UBE2V1: variants seen among roughly 807,000 people sequenced by gnomAD.
The protein encoded by UBE2V1 is ubiquitin-conjugating enzyme E2 variant 1.
UBE2V1 carries 15 observed loss-of-function variants against 19.6 expected under a neutral mutation model. The observed-to-expected ratio is 0.77, with a 90% CI of 0.51 to 1.18. The LOEUF (loss-of-function observed/expected upper bound fraction) is 1.18. Ranked by LOEUF, UBE2V1 falls within the 50% of genes most tolerant of loss-of-function variation. The pLI is 0.00. For synonymous variants in UBE2V1, 60 were observed against 60.7 expected (o/e 0.99, Z 0.05); for missense variants, 125 against 184.8 (o/e 0.68, Z 1.88).
At chr20:50,083,936 G>A (rs140621806) in intron 3 of UBE2V1, 193 bp downstream of exon 3, 1 of 768,456 alleles carries the variant, frequency 1.3e-6, no homozygotes, top group African/African-American at 1.8e-5. Flanking sequence ...CAGGGTAAGT[G>A]CTATATGAGT....
upstream of UBE2V1, chr20:50,115,585 C>T: frequency 2.0e-6 from 3 of 1,526,224 alleles, no homozygotes; most frequent in Non-Finnish European, 1.8e-6. Context: ...TCAGTTTCCC[C>T]TTCTATGAGG....
At chr20:50,096,919 C>A in intron 1 of UBE2V1, 99 bp from the exon 2 acceptor site, 2 of 1,539,938 alleles carry the variant, frequency 1.3e-6, no homozygotes, top group Admixed American at 2.1e-5. Context: ...AATCAAGATG[C>A]TAACATGCAA....
chr20:50,111,289 T>C, intron 1 of UBE2V1: 1 of 988,152 alleles, frequency 1.0e-6, no homozygotes. Flanking sequence ...AAGCACTCAC[T>C]TTTTAACTGT....
In UBE2V1 at chr20:50,113,131, T is replaced by G; in HGVS notation, c.-3A>C. ...CCCGAGCCCGTGGTGGCTGCCATCTTGCGTCGCTCTTGCTTGAAGGCCGGC... is the reference window on the plus strand; with the variant it reads ...CCCGAGCCCGTGGTGGCTGCCATCTGGCGTCGCTCTTGCTTGAAGGCCGGC... On this transcript the variant is annotated 5_prime_UTR_variant, in exon 1 of 4. Transcript: ENST00000371674. The G allele has an allele frequency of 7.3e-7, 1 of 1,374,658 alleles. No homozygotes were observed. Among genetic ancestry groups the G allele is most frequent in the Non-Finnish European group, 9.5e-7 (1 of 1,050,028 alleles). 85.2% of individuals were successfully genotyped at this position (1,374,658 alleles called of 1,614,324 possible). A position where few individuals can be genotyped will look rare whatever the true frequency, so the allele number is the denominator to read the frequency against.
intron 2 of UBE2V1, among the ~76,000 whole-genome samples, chr20:50,094,264 T>A: frequency 7.0e-6 from 1 of 142,594 alleles, no homozygotes. Context: ...TATAATGCAT[T>A]ATATAATATA....
At chr20:50,109,272 C>T (rs373974266) in intron 1 of UBE2V1, among the ~76,000 whole-genome samples, 9 of 152,242 alleles carry the variant, frequency 5.9e-5, no homozygotes, top group African/African-American at 2.2e-4. Flanking sequence ...GCAGAGGATT[C>T]CTGACTTCAT....
intron 2 of UBE2V1, among the ~76,000 whole-genome samples, chr20:50,089,182 T>C (rs2079087136): frequency 1.3e-5 from 2 of 152,052 alleles, no homozygotes; most frequent in Admixed American, 6.6e-5. Context: ...ATGGAAACTC[T>C]TAAGGGAGGG....
chr20:50,108,085 G>A (rs1033979725), intron 1 of UBE2V1, among the ~76,000 whole-genome samples: 1 of 152,202 alleles, frequency 6.6e-6, no homozygotes. Flanking sequence ...TCTGTAATAA[G>A]AGCAGTGGGA....
chr20:50,081,986 T>C lies in UBE2V1; in HGVS notation c.*782A>G, dbSNP rs59124899. Reference sequence around the variant, plus strand: ...GCTCTTTCCAACCTTACCTGATGGCTTCTGGCCAAAGCAAGGAAGTGTCAT... The same window carrying C: ...GCTCTTTCCAACCTTACCTGATGGCCTCTGGCCAAAGCAAGGAAGTGTCAT... On this transcript the variant is annotated 3_prime_UTR_variant, in exon 4 of 4. Transcript: ENST00000371674. 1,738 of 213,220 alleles carry C rather than the reference T, an allele frequency of 8.2e-3. 29 individuals carry two copies. The highest frequency in any genetic ancestry group is 0.038 in the African/African-American group (1,642 of 43,362). 13.2% of individuals were successfully genotyped at this position (213,220 alleles called of 1,614,324 possible).
At chr20:50,107,439 T>C (rs964889177) in intron 1 of UBE2V1, among the ~76,000 whole-genome samples, 1 of 152,210 alleles carries the variant, frequency 6.6e-6, no homozygotes, top group Admixed American at 6.5e-5. Context: ...TGTGTTCTGC[T>C]GCTAGGGTCA....
At chr20:50,087,675 T>C in intron 2 of UBE2V1, among the ~76,000 whole-genome samples, 1 of 152,218 alleles carries the variant, frequency 6.6e-6, no homozygotes, top group South Asian at 2.1e-4. Context: ...GAAATGGGCA[T>C]GCTCAGACCA....
chr20:50,109,866 G>C (rs977485093), intron 1 of UBE2V1, among the ~76,000 whole-genome samples: 4 of 152,016 alleles, frequency 2.6e-5, no homozygotes, highest in Non-Finnish European at 5.9e-5. Context: ...TTTGAATGTA[G>C]GGCCCATGTT....
chr20:50,113,467 T>C (rs1342662839), upstream of UBE2V1, among the ~76,000 whole-genome samples: 1 of 152,182 alleles, frequency 6.6e-6, no homozygotes. Flanking sequence ...CGAATTCGCT[T>C]GGGGCTTTTT....
Position 50,094,034 on chromosome 20 carries a change from A to AAAT in UBE2V1, c.171+2637_171+2638insATT, listed in dbSNP as rs1391834608. Among the ~76,000 whole-genome samples the AAAT allele has an allele frequency of 4.8e-3, 411 of 84,932 alleles. 7 individuals carry two copies. Among genetic ancestry groups the AAAT allele is most frequent in the African/African-American group, 0.023 (397 of 17,560 alleles). 55.7% of individuals were successfully genotyped at this position (84,932 alleles called of 152,430 possible). A position where few individuals can be genotyped will look rare whatever the true frequency, so the allele number is the denominator to read the frequency against. ...AAAATAATAATAATAATAATAATAA[A>AAAT]ATATATATATATAAAATATATTATG... On this transcript the variant is annotated intron_variant, in intron 2 of 3. Coordinates refer to ENST00000371674, the MANE Select transcript of UBE2V1 (RefSeq NM_001032288.3).
At chr20:50,093,930 G>A (rs1251616166) in intron 2 of UBE2V1, among the ~76,000 whole-genome samples, 1 of 138,630 alleles carries the variant, frequency 7.2e-6, no homozygotes, top group Admixed American at 7.9e-5. Flanking sequence ...GGAGGTTGCA[G>A]TGAGCCGAGA....
Position 50,081,341 on chromosome 20 carries a change from T to G in UBE2V1, c.*1427A>C, listed in dbSNP as rs1297242339. On this transcript the variant is annotated 3_prime_UTR_variant, in exon 4 of 4. Transcript: ENST00000371674. Reference sequence around the variant, plus strand: ...TCAAAAGGTGGTTTTACACAAATACTAAATTAAAAAAAAAAAAAAAACCTT... The same window carrying G: ...TCAAAAGGTGGTTTTACACAAATACGAAATTAAAAAAAAAAAAAAAACCTT... 5.7e-5 allele frequency: 8 copies of G among 140,104 alleles called. No homozygotes were observed. The highest frequency in any genetic ancestry group is 2.0e-4 in the East Asian group (1 of 4,918). The allele number at this position is 140,104 out of a possible 1,614,324, so 8.7% of individuals were successfully genotyped here.
intron 1 of UBE2V1, among the ~76,000 whole-genome samples, chr20:50,108,048 G>T (rs1306895509): frequency 6.6e-6 from 1 of 152,232 alleles, no homozygotes; most frequent in African/African-American, 2.4e-5. Context: ...GCAGGGCCTT[G>T]TGGGCCATGG....
intron 1 of UBE2V1, among the ~76,000 whole-genome samples, chr20:50,097,911 A>G (rs2079733855): frequency 6.6e-6 from 1 of 152,234 alleles, no homozygotes; most frequent in Non-Finnish European, 1.5e-5. Context: ...TTCAATTGGA[A>G]TAAATATTTG....
chr20:50,102,766 C>T (rs1328367749), intron 1 of UBE2V1, among the ~76,000 whole-genome samples: 2 of 152,202 alleles, frequency 1.3e-5, no homozygotes, highest in African/African-American at 4.8e-5. Context: ...CCGTTGCACC[C>T]GCAATCCACC....
Sources: gnomAD v4.1 joint callset for allele counts (sites outside exome capture counted in the v4.1 genomes callset) on GRCh38, gnomAD v4.1.1 for gene constraint, MANE v1.5 for transcripts, NCBI Gene and HGNC (gene_info 2026-07-23, HGNC 2026-07-21) for gene names.